The following RAB3C variants were observed in gnomAD, a reference collection of about 807,000 sequenced individuals.
The protein encoded by RAB3C is ras-related protein Rab-3C.
RAB3C carries 17 observed loss-of-function variants against 26.4 expected under a neutral mutation model. The observed-to-expected ratio is 0.64, with a 90% CI of 0.44 to 0.97. RAB3C has a LOEUF of 0.97. Among genes scored for constraint, RAB3C ranks in the 50% least tolerant of loss-of-function variants. The pLI, the probability that RAB3C is intolerant of heterozygous loss-of-function variation, is 0.00. For missense variants in RAB3C, 242 were observed against 281.9 expected (o/e 0.86, Z 1.01); for synonymous variants, 91 against 95.9 (o/e 0.95, Z 0.30).
intron 4 of RAB3C, among the ~76,000 whole-genome samples, chr5:58,841,959 C>G (rs1038616753): frequency 5.9e-5 from 9 of 152,104 alleles, no homozygotes; most frequent in Non-Finnish European, 1.2e-4. Context: ...CACTATGTGC[C>G]AGGCATGTGA....
intron 2 of RAB3C, among the ~76,000 whole-genome samples, chr5:58,685,540 G>T (rs1291583945): frequency 6.6e-6 from 1 of 152,052 alleles, no homozygotes; most frequent in Non-Finnish European, 1.5e-5. Flanking sequence ...TCCCAAATAA[G>T]ACCACATATT....
At chr5:58,805,547 T>C (rs1425474299) in intron 3 of RAB3C, among the ~76,000 whole-genome samples, 2 of 137,784 alleles carry the variant, frequency 1.5e-5, no homozygotes, top group African/African-American at 5.6e-5. Context: ...ATCGCGCCAC[T>C]GCACTCCACT....
chr5:58,646,862 C>G (rs559205558), intron 2 of RAB3C, among the ~76,000 whole-genome samples: 1 of 152,118 alleles, frequency 6.6e-6, no homozygotes, highest in African/African-American at 2.4e-5. Context: ...AATAATTCTC[C>G]TCAAGCTGCC....
intron 1 of RAB3C, among the ~76,000 whole-genome samples, chr5:58,597,605 T>C (rs377211762): frequency 2.3e-4 from 29 of 128,162 alleles, no homozygotes; most frequent in Admixed American, 3.5e-4. Context: ...TATATAAGCA[T>C]ATAACAATAT....
At chr5:58,839,348 A>T (rs7705639) in intron 4 of RAB3C, among the ~76,000 whole-genome samples, 6,206 of 45,316 alleles carry the variant, frequency 0.14, 296 homozygotes, top group Middle Eastern at 0.26. Flanking sequence ...ATAAGTTTTT[A>T]TTTTATTTAT....
In RAB3C at chr5:58,839,103, A is replaced by C. The variant is rs577817774; in HGVS notation, c.497-12061A>C. On this transcript the variant is annotated intron_variant, in intron 4 of 4. Coordinates refer to ENST00000282878, the MANE Select transcript of RAB3C (RefSeq NM_138453.4). Reference sequence around the variant, plus strand: ...TTGTCTATGTGTGTCTTTACAAATGAAGTGAGTTTTTTGTAGGTAGCATAT... The same window carrying C: ...TTGTCTATGTGTGTCTTTACAAATGCAGTGAGTTTTTTGTAGGTAGCATAT... Among the ~76,000 whole-genome samples, 4 of 151,964 alleles carry C rather than the reference A, an allele frequency of 2.6e-5. No homozygotes were observed. In the South Asian group the frequency reaches 6.2e-4, roughly 24 times the overall value.
At chr5:58,644,181 A>G (rs1052148142) in intron 2 of RAB3C, among the ~76,000 whole-genome samples, 5 of 151,332 alleles carry the variant, frequency 3.3e-5, no homozygotes, top group African/African-American at 1.2e-4. Flanking sequence ...TTTGTGGAAT[A>G]AAAGAACAAC....
intron 3 of RAB3C, among the ~76,000 whole-genome samples, chr5:58,795,814 T>C (rs1453028896): frequency 2.0e-5 from 3 of 151,122 alleles, no homozygotes; most frequent in African/African-American, 7.3e-5. Context: ...GGCAGAAGTG[T>C]GGGCATAAGA....
intron 2 of RAB3C, among the ~76,000 whole-genome samples, chr5:58,709,249 CTT>C (rs1441562711): frequency 6.6e-6 from 1 of 152,178 alleles, no homozygotes; most frequent in Non-Finnish European, 1.5e-5. Context: ...ATGTTGTTGT[CTT>C]TTGGCATTTC....
chr5:58,851,287 C>T lies in RAB3C; in HGVS notation c.620C>T (p.Ala207Val), dbSNP rs938616969. ...ESLETDPAITAAKQNTRLKET... is the reference protein window; with the variant it reads ...ESLETDPAITVAKQNTRLKET... The stretch of plus-strand genomic sequence containing the variant: ...TTGGAGACTGATCCTGCCATCACTG[C>T]TGCAAAGCAGAACACGAGACTCAAG... Residue 207 changes from alanine (A) to valine (V), a missense_variant, in exon 5 of 5, where the codon GCT becomes GTT. Transcript: ENST00000282878. 3 of 1,613,686 alleles carry T rather than the reference C, an allele frequency of 1.9e-6. No individual in the cohort carries two copies. The African/African-American group carries it at 4.0e-5, about 22-fold the overall frequency.
At chr5:58,710,052 A>T (rs1015633977) in intron 2 of RAB3C, among the ~76,000 whole-genome samples, 1 of 152,178 alleles carries the variant, frequency 6.6e-6, no homozygotes, top group Admixed American at 6.6e-5. Flanking sequence ...TCTGAGTGTC[A>T]TCATTTCCCA....
intron 1 of RAB3C, among the ~76,000 whole-genome samples, chr5:58,596,902 AT>A (rs1324251803): frequency 4.2e-5 from 4 of 96,330 alleles, no homozygotes; most frequent in African/African-American, 1.7e-4. Context: ...ATAATATTAT[AT>A]TTTAATATAT....
rs779097196 is a variant in RAB3C at position 58,616,010 on chromosome 5, A to ACACC, written c.25-1632_25-1631insACCC. Among the ~76,000 whole-genome samples, 25 of 149,596 alleles carry ACACC rather than the reference A, an allele frequency of 1.7e-4. No homozygotes were observed. The South Asian group carries it at 1.7e-3, about 10-fold the overall frequency. On this transcript the variant is annotated intron_variant, in intron 1 of 4. Coordinates refer to ENST00000282878, the MANE Select transcript of RAB3C (RefSeq NM_138453.4). ...GACACACACACACACACACACACAC[A>ACACC]CCCCTGACTTCAGGTAACCAGTGTT...
chr5:58,811,832 G>A (rs189881535), intron 3 of RAB3C, among the ~76,000 whole-genome samples: 3 of 139,036 alleles, frequency 2.2e-5, no homozygotes, highest in South Asian at 2.7e-4. Context: ...TGCCATTACC[G>A]AGCATGGTGC....
At chr5:58,615,973 T>TAC (rs1218245591) in intron 1 of RAB3C, among the ~76,000 whole-genome samples, 2 of 103,366 alleles carry the variant, frequency 1.9e-5, no homozygotes, top group Non-Finnish European at 4.0e-5. Context: ...AACATACGTG[T>TAC]ACACACACAC....
chr5:58,747,210 A>C (rs750788119), intron 3 of RAB3C, among the ~76,000 whole-genome samples: 2 of 152,240 alleles, frequency 1.3e-5, no homozygotes, highest in African/African-American at 2.4e-5. Context: ...TCTTTAATAG[A>C]TCTTTTAGTA....
chr5:58,693,174 TATA>T (rs1406967556), intron 2 of RAB3C, among the ~76,000 whole-genome samples: 2 of 146,666 alleles, frequency 1.4e-5, no homozygotes, highest in Non-Finnish European at 3.0e-5. Context: ...ATTATATAAA[TATA>T]ATTAAGATAA....
At position 58,617,462 on chromosome 5, in the gene RAB3C, A is replaced by T. The variant is rs375356822; in HGVS notation, c.25-181A>T. On this transcript the variant is annotated intron_variant, in intron 1 of 4. Coordinates refer to ENST00000282878, the MANE Select transcript of RAB3C (RefSeq NM_138453.4). ...AAGATTTGCTATTCTGTCTTCCAGC[A>T]GGGAATTATTGCCATGGATACCAAT... is the stretch of plus-strand genomic sequence containing the variant. The T allele has an allele frequency of 4.2e-5, 32 of 768,278 alleles. No homozygotes were observed. The African/African-American group carries it at 4.9e-4, about 12-fold the overall frequency. The allele number at this position is 768,278 out of a possible 1,614,324, so 47.6% of individuals were successfully genotyped here.
intron 2 of RAB3C, among the ~76,000 whole-genome samples, chr5:58,694,432 C>A (rs1748648606): frequency 6.6e-6 from 1 of 152,114 alleles, no homozygotes; most frequent in African/African-American, 2.4e-5. Flanking sequence ...GATTTATAAT[C>A]CTTTGGGTAT....
Sources: allele counts gnomAD v4.1 joint callset (sites outside exome capture counted in the v4.1 genomes callset), GRCh38; gene constraint gnomAD v4.1.1; transcripts MANE v1.5; gene names NCBI Gene and HGNC (gene_info 2026-07-23, HGNC 2026-07-21).